Variants in FRAS1 observed in about 807,000 individuals in gnomAD.
FRAS1 encodes the protein extracellular matrix organizing protein FRAS1.
A neutral mutation model predicts 435.2 loss-of-function variants in FRAS1; 290 were observed. The ratio of observed to expected loss-of-function variants is 0.67; its 90% CI spans 0.61 to 0.73. The LOEUF (loss-of-function observed/expected upper bound fraction) is 0.73, where lower values mean the gene tolerates loss of function less well. FRAS1 is among the 30% of genes least tolerant of loss of function. The pLI is 0.00. For synonymous variants in FRAS1, 1,800 were observed against 1,851.0 expected (o/e 0.97, Z 0.71); for missense variants, 4,860 against 5,001.5 (o/e 0.97, Z 0.85).
Position 78,441,179 on chromosome 4 carries a change from A to G in FRAS1, c.5547A>G (p.Arg1849=). Residue 1849 remains arginine, a synonymous_variant, in exon 41 of 74, where the codon AGA becomes AGG. Coordinates refer to ENST00000512123, the MANE Select transcript of FRAS1 (RefSeq NM_025074.7). ...ADLITVDEGG[R]APLSFHHFFA... ...TTTCTTAGGTTGATGAGGGAGGGAG[A>G]GCACCACTCTCATTTCACCATTTTT... The G allele has an allele frequency of 1.9e-6, 3 of 1,613,704 alleles. No homozygotes were observed. The highest frequency in any genetic ancestry group is 2.5e-6 in the Non-Finnish European group (3 of 1,179,738).
intron 7 of FRAS1, among the ~76,000 whole-genome samples, chr4:78,265,702 G>A (rs1327113665): frequency 6.6e-6 from 1 of 152,152 alleles, no homozygotes; most frequent in East Asian, 1.9e-4. Flanking sequence ...GTTCTGTCTT[G>A]GGAGTGCCTA....
chr4:78,105,708 A>G (rs1024401826), intron 2 of FRAS1, among the ~76,000 whole-genome samples: 1 of 152,142 alleles, frequency 6.6e-6, no homozygotes, highest in African/African-American at 2.4e-5. Flanking sequence ...ATATAATCTC[A>G]GTGAATAAAT....
At chr4:78,124,463 G>A (rs564759195) in intron 2 of FRAS1, among the ~76,000 whole-genome samples, 239 of 152,246 alleles carry the variant, frequency 1.6e-3, no homozygotes, top group Non-Finnish European at 3.0e-3. Context: ...GCCAGGCTTT[G>A]GCATCAGGAT....
intron 2 of FRAS1, among the ~76,000 whole-genome samples, chr4:78,118,138 A>G (rs563673647): frequency 6.6e-6 from 1 of 152,334 alleles, no homozygotes; most frequent in South Asian, 2.1e-4. Flanking sequence ...GAGCCTGCAG[A>G]ACAGCAGATA....
intron 41 of FRAS1, 106 bp downstream of exon 41, chr4:78,441,403 G>A: frequency 9.3e-7 from 1 of 1,069,618 alleles, no homozygotes; most frequent in Non-Finnish European, 1.4e-6. Context: ...CAGAGGAGGG[G>A]AACCATTTCA....
chr4:78,190,281 G>A (rs1243970229), intron 2 of FRAS1, among the ~76,000 whole-genome samples: 1 of 152,092 alleles, frequency 6.6e-6, no homozygotes, highest in Non-Finnish European at 1.5e-5. Context: ...CTTTTGCACT[G>A]TTTAGTCTTT....
chr4:78,387,377 C>G lies in FRAS1; in HGVS notation c.3651C>G (p.Ala1217=), dbSNP rs1170905448. Residue 1217 remains alanine, a splice_region_variant and synonymous_variant, in exon 29 of 74, where the codon GCC becomes GCG. Transcript: ENST00000512123. ...TCTTCTTCCCTTCAACTCCACAGGC[C>G]CCCTATGTGCTGAGAAATGAAGTTC... ...LINIQAFSTQ[A]PYVLRNEVLH... The G allele has an allele frequency of 6.2e-7, 1 of 1,600,266 alleles. No homozygotes were observed. The highest frequency in any genetic ancestry group is 8.5e-7 in the Non-Finnish European group (1 of 1,171,878).
intron 2 of FRAS1, among the ~76,000 whole-genome samples, chr4:78,086,978 G>T (rs1741215684): frequency 6.6e-6 from 1 of 152,002 alleles, no homozygotes. Flanking sequence ...CAAAAAAAGA[G>T]AATTTTAGAC....
intron 11 of FRAS1, among the ~76,000 whole-genome samples, chr4:78,282,044 G>T (rs1409000377): frequency 6.6e-6 from 1 of 152,162 alleles, no homozygotes; most frequent in African/African-American, 2.4e-5. Context: ...CACATTAATT[G>T]TTTGAAATGT....
At position 78,511,079 on chromosome 4, in the gene FRAS1, A is replaced by G. The variant is rs116806506; in HGVS notation, c.9781-195A>G. Among the ~76,000 whole-genome samples, 192 of 152,354 alleles carry G rather than the reference A, an allele frequency of 1.3e-3. 1 individual carries two copies. The highest frequency in any genetic ancestry group is 4.3e-3 in the African/African-American group (178 of 41,592). On this transcript the variant is annotated intron_variant, in intron 63 of 73. Coordinates refer to ENST00000512123, the MANE Select transcript of FRAS1 (RefSeq NM_025074.7). ...GTTGACTATCTTACCCCCTTAGGCTATAAGTACTCACTGATCTGTCTCAAG... is the reference window on the plus strand; with the variant it reads ...GTTGACTATCTTACCCCCTTAGGCTGTAAGTACTCACTGATCTGTCTCAAG...
At chr4:78,113,601 T>G (rs1742894935) in intron 2 of FRAS1, among the ~76,000 whole-genome samples, 1 of 152,264 alleles carries the variant, frequency 6.6e-6, no homozygotes, top group Non-Finnish European at 1.5e-5. Flanking sequence ...TTTTTTCATG[T>G]GTCTTTTGGC....
At chr4:78,108,625 T>C (rs1190508528) in intron 2 of FRAS1, among the ~76,000 whole-genome samples, 1 of 83,928 alleles carries the variant, frequency 1.2e-5, no homozygotes, top group Non-Finnish European at 2.3e-5. Context: ...TTTATAGCAC[T>C]AAATGCCTAC....
chr4:78,266,884 G>A lies in FRAS1; in HGVS notation c.738G>A (p.Arg246=). Residue 246 remains arginine, a synonymous_variant, in exon 8 of 74, where the codon CGG becomes CGA. Coordinates refer to ENST00000512123, the MANE Select transcript of FRAS1 (RefSeq NM_025074.7). ...ENACTTCICD[R]GEVRCHKQAC... The stretch of plus-strand genomic sequence containing the variant: ...CCTGCACCACGTGTATATGTGACCG[G>A]GGTGAGGTCAGGTGTCACAAGCAGG... The A allele has an allele frequency of 6.2e-7, 1 of 1,608,734 alleles. No homozygotes were observed. Among genetic ancestry groups the A allele is most frequent in the Non-Finnish European group, 8.5e-7 (1 of 1,177,560 alleles).
intron 47 of FRAS1, among the ~76,000 whole-genome samples, chr4:78,463,284 T>A (rs1310152313): frequency 6.6e-6 from 1 of 152,174 alleles, no homozygotes; most frequent in African/African-American, 2.4e-5. Context: ...ATTTTTTGTT[T>A]TAAAAATGAC....
At chr4:78,259,418 A>G (rs1356455106) in intron 6 of FRAS1, among the ~76,000 whole-genome samples, 4 of 147,658 alleles carry the variant, frequency 2.7e-5, no homozygotes, top group Non-Finnish European at 6.1e-5. Flanking sequence ...GTGAGATGGT[A>G]TCTCATTGTG....
In FRAS1 at chr4:78,526,536, TC is replaced by T; in HGVS notation, c.10809-3del. On this transcript the variant is annotated splice_region_variant and splice_polypyrimidine_tract_variant and intron_variant, in intron 69 of 73. Coordinates refer to ENST00000512123, the MANE Select transcript of FRAS1 (RefSeq NM_025074.7). ...ACGATCACAGTCTGCTCTGCATGTT[TC>T]CAGGAAGGACTACTCAGGAGAGTAC... 1 of 1,573,050 alleles carries T rather than the reference TC, an allele frequency of 6.4e-7. No individual in the cohort carries two copies. Among genetic ancestry groups the T allele is most frequent in the Non-Finnish European group, 8.7e-7 (1 of 1,155,512 alleles).
At chr4:78,264,121 A>C (rs1461389909) in intron 6 of FRAS1, among the ~76,000 whole-genome samples, 3 of 152,248 alleles carry the variant, frequency 2.0e-5, no homozygotes, top group Non-Finnish European at 4.4e-5. Context: ...GTTTGTTCTC[A>C]CCATTTCCTC....
At chr4:78,494,670 T>C (rs913059724) in intron 59 of FRAS1, among the ~76,000 whole-genome samples, 2 of 152,122 alleles carry the variant, frequency 1.3e-5, no homozygotes, top group Non-Finnish European at 2.9e-5. Context: ...ACAGGAGATA[T>C]GGAGGGGACA....
rs749318688 is a variant in FRAS1, at chr4:78,266,778, T to C, written c.688-56T>C. ...TGGGTGTCTTATGTGACAGTGCTTC[T>C]ATTTGATGTATGGGACATTTGATTT... is the stretch of plus-strand genomic sequence containing the variant. On this transcript the variant is annotated intron_variant, in intron 7 of 73. Coordinates refer to ENST00000512123, the MANE Select transcript of FRAS1 (RefSeq NM_025074.7). 9.1e-6 allele frequency: 12 copies of C among 1,321,720 alleles called. No individual in the cohort carries two copies. In the Admixed American group the frequency reaches 2.0e-4, roughly 22 times the overall value. The allele number at this position is 1,321,720 out of a possible 1,614,324, so 81.9% of individuals were successfully genotyped here. A position where few individuals can be genotyped will look rare whatever the true frequency, so the allele number is the denominator to read the frequency against.
Sources: allele counts gnomAD v4.1 joint callset (sites outside exome capture counted in the v4.1 genomes callset), GRCh38; gene constraint gnomAD v4.1.1; transcripts MANE v1.5; gene names NCBI Gene and HGNC (gene_info 2026-07-23, HGNC 2026-07-21).